ROBO1: variants seen among roughly 807,000 people sequenced by gnomAD.
The protein encoded by ROBO1 is roundabout homolog 1.
In ROBO1, 149 loss-of-function variants were observed where a neutral mutation model predicts 195.9. The ratio of observed to expected loss-of-function variants is 0.76; its 90% CI spans 0.67 to 0.87. The LOEUF is 0.87. Among genes scored for constraint, ROBO1 ranks in the 40% least tolerant of loss-of-function variants. ROBO1 has a pLI of 0.00. For synonymous variants in ROBO1, 816 were observed against 733.2 expected, an observed-to-expected ratio of 1.11 and a Z score of -1.82; for missense variants, 1,933 against 2,068.3, an observed-to-expected ratio of 0.93 and a Z score of 1.27.
intron 4 of ROBO1, among the ~76,000 whole-genome samples, chr3:78,874,864 AAAAC>A (rs2035750538): frequency 6.6e-6 from 1 of 151,990 alleles, no homozygotes; most frequent in South Asian, 2.1e-4. Context: ...TAGTTACCTC[AAAAC>A]AAATACCTCT....
intron 3 of ROBO1, among the ~76,000 whole-genome samples, chr3:79,067,325 G>T (rs1366013476): frequency 1.3e-5 from 2 of 151,844 alleles, no homozygotes; most frequent in Non-Finnish European, 2.9e-5. Flanking sequence ...GTTAATATGG[G>T]GTTACTTGTT....
chr3:79,180,527 G>A (rs2081323524), intron 2 of ROBO1, among the ~76,000 whole-genome samples: 1 of 152,098 alleles, frequency 6.6e-6, no homozygotes, highest in Non-Finnish European at 1.5e-5. Flanking sequence ...AGTGGCTAAG[G>A]ACATAAACTC....
rs1365327963 is a variant in ROBO1 at position 79,146,901 on chromosome 3, T to C, written c.89-21362A>G. Among the ~76,000 whole-genome samples the C allele has an allele frequency of 2.6e-5, 4 of 151,940 alleles. No homozygotes were observed. In the East Asian group the frequency reaches 7.8e-4, roughly 30 times the overall value. On this transcript the variant is annotated intron_variant, in intron 2 of 30. Transcript: ENST00000464233. Reference sequence around the variant, plus strand: ...AGATTTTCTAAGCAGAAGGAAATGGTGAAAATATCTTTCCAATAGTTGCTT... The same window carrying C: ...AGATTTTCTAAGCAGAAGGAAATGGCGAAAATATCTTTCCAATAGTTGCTT...
At chr3:78,776,488 G>C (rs2083511016) in intron 4 of ROBO1, among the ~76,000 whole-genome samples, 1 of 152,134 alleles carries the variant, frequency 6.6e-6, no homozygotes, top group South Asian at 2.1e-4. Flanking sequence ...GACCTCACGT[G>C]ATCCACCCAC....
At chr3:79,525,691 C>A (rs1218838930) in intron 2 of ROBO1, among the ~76,000 whole-genome samples, 1 of 149,936 alleles carries the variant, frequency 6.7e-6, no homozygotes, top group Admixed American at 6.6e-5. Flanking sequence ...CTGCAACCTC[C>A]GCTTCCCGGG....
chr3:79,198,808 T>C (rs1395419979), intron 2 of ROBO1, among the ~76,000 whole-genome samples: 2 of 152,132 alleles, frequency 1.3e-5, no homozygotes, highest in East Asian at 3.9e-4. Context: ...CAATTGTGAA[T>C]GGGAGTTCAC....
At chr3:79,619,149 G>T (rs12491641) in intron 1 of ROBO1, among the ~76,000 whole-genome samples, 3 of 21,920 alleles carry the variant, frequency 1.4e-4, no homozygotes, top group Non-Finnish European at 2.5e-4. Context: ...TTGGTGTCTG[G>T]TCACCGCAGG....
chr3:79,067,857 G>A (rs2079028641), intron 3 of ROBO1, among the ~76,000 whole-genome samples: 1 of 151,836 alleles, frequency 6.6e-6, no homozygotes, highest in Non-Finnish European at 1.5e-5. Flanking sequence ...CAAGCTGTTG[G>A]CTGACATTGA....
chr3:79,357,146 T>C (rs1259470645), intron 2 of ROBO1, among the ~76,000 whole-genome samples: 1 of 152,008 alleles, frequency 6.6e-6, no homozygotes, highest in Non-Finnish European at 1.5e-5. Flanking sequence ...ATAAGAAAAA[T>C]TACCCTAGAA....
intron 4 of ROBO1, among the ~76,000 whole-genome samples, chr3:78,848,897 T>TC (rs2033849368): frequency 6.6e-6 from 1 of 152,128 alleles, no homozygotes; most frequent in African/African-American, 2.4e-5. Context: ...TAAGTGGTTA[T>TC]CGCACTAATT....
chr3:79,039,783 C>CA (rs1483229389), intron 3 of ROBO1, among the ~76,000 whole-genome samples: 1 of 108,816 alleles, frequency 9.2e-6, no homozygotes, highest in Non-Finnish European at 1.8e-5. Context: ...GCCTGGGCTA[C>CA]AAAGCAAGAC....
intron 1 of ROBO1, among the ~76,000 whole-genome samples, chr3:79,708,643 G>T (rs1283570680): frequency 6.6e-6 from 1 of 152,110 alleles, no homozygotes; most frequent in African/African-American, 2.4e-5. Context: ...TAAAAGACTT[G>T]CTTAAGCCCA....
intron 3 of ROBO1, among the ~76,000 whole-genome samples, chr3:78,978,143 T>A (rs1156531142): frequency 2.6e-5 from 4 of 152,128 alleles, no homozygotes; most frequent in Non-Finnish European, 5.9e-5. Flanking sequence ...CTGTAGATGA[T>A]ATTTTGATTT....
chr3:79,143,693 T>C (rs75451402), intron 2 of ROBO1, among the ~76,000 whole-genome samples: 3,869 of 152,178 alleles, frequency 0.025, 170 homozygotes, highest in African/African-American at 0.086. Flanking sequence ...ATAGGAATAT[T>C]TATTATACAT....
chr3:79,054,365 A>G (rs1307306768), intron 3 of ROBO1, among the ~76,000 whole-genome samples: 2 of 152,070 alleles, frequency 1.3e-5, no homozygotes, highest in Non-Finnish European at 2.9e-5. Flanking sequence ...CTGTTGAAAA[A>G]TTTGTCTCTG....
intron 4 of ROBO1, among the ~76,000 whole-genome samples, chr3:78,917,920 T>C (rs1026671628): frequency 6.6e-5 from 10 of 152,176 alleles, no homozygotes; most frequent in Non-Finnish European, 1.0e-4. Flanking sequence ...CACTTTCCTA[T>C]GTGAATTCAT....
At chr3:79,549,464 A>G (rs59252800) in intron 2 of ROBO1, among the ~76,000 whole-genome samples, 41,381 of 152,030 alleles carry the variant, frequency 0.27, 5,785 homozygotes, top group Non-Finnish European at 0.32. Context: ...TTTTACATCT[A>G]TGAATTTAAC....
At chr3:79,535,672 T>C (rs1453669589) in intron 2 of ROBO1, among the ~76,000 whole-genome samples, 4 of 148,646 alleles carry the variant, frequency 2.7e-5, no homozygotes, top group African/African-American at 1.0e-4. Context: ...CAGAAATGTA[T>C]TTTTTTTATG....
chr3:79,493,270 A>C (rs1183377173), intron 2 of ROBO1, among the ~76,000 whole-genome samples: 1 of 152,008 alleles, frequency 6.6e-6, no homozygotes, highest in Admixed American at 6.5e-5. Context: ...CAAAAACATA[A>C]TTTTTGATTT....
Sources: gnomAD v4.1 joint callset for allele counts (sites outside exome capture counted in the v4.1 genomes callset) on GRCh38, gnomAD v4.1.1 for gene constraint, MANE v1.5 for transcripts, NCBI Gene and HGNC (gene_info 2026-07-23, HGNC 2026-07-21) for gene names.